The following PCDHGB6 variants were observed in gnomAD, a reference collection of about 807,000 sequenced individuals.
PCDHGB6 encodes protocadherin gamma-B6.
PCDHGB6 carries 51 observed loss-of-function variants against 59.1 expected under a neutral mutation model. That is an observed-to-expected ratio of 0.86 (90% CI 0.69 to 1.09). PCDHGB6 has a LOEUF of 1.09. Among genes scored for constraint, PCDHGB6 ranks in the 50% least tolerant of loss-of-function variants. The probability of loss-of-function intolerance (pLI) is 0.00; values close to 1 mark genes in which losing one functional copy is unlikely to be tolerated. For synonymous variants in PCDHGB6, 466 were observed against 495.1 expected (o/e 0.94, Z 0.78); for missense variants, 1,148 against 1,205.1 (o/e 0.95, Z 0.70).
chr5:141,455,759 A>G (rs1013283124), intron 1 of PCDHGB6, among the ~76,000 whole-genome samples: 4 of 152,300 alleles, frequency 2.6e-5, no homozygotes, highest in South Asian at 4.1e-4. Context: ...CCTGGCTCCT[A>G]GAGCCGGGGC....
intron 2 of PCDHGB6, among the ~76,000 whole-genome samples, chr5:141,499,984 G>A (rs1350203006): frequency 6.6e-6 from 1 of 151,872 alleles, no homozygotes; most frequent in East Asian, 1.9e-4. Context: ...CACCTTGCCC[G>A]GCCAGATGAT....
rs992096722 is a variant in PCDHGB6, at chr5:141,413,506, A to G, written c.2418+2886A>G. 3 of 1,613,910 alleles carry G rather than the reference A, an allele frequency of 1.9e-6. No individual in the cohort carries two copies. The highest frequency in any genetic ancestry group is 2.7e-5 in the African/African-American group (2 of 74,954). On this transcript the variant is annotated intron_variant, in intron 1 of 3. Coordinates refer to ENST00000520790, the MANE Select transcript of PCDHGB6 (RefSeq NM_018926.3). ...GAGCGCGCGGTGCGTGGTGAGTTTT[A>G]ATATCCTTGTGGAAGACAGGGTGAA... is the stretch of plus-strand genomic sequence containing the variant.
At chr5:141,416,124 AT>A (rs1297389183) in intron 1 of PCDHGB6, 1 of 154,644 alleles carries the variant, frequency 6.5e-6, no homozygotes, top group Non-Finnish European at 1.4e-5. Flanking sequence ...CATTTTATAT[AT>A]TTTTCAATCT....
Position 141,431,919 on chromosome 5 carries a change from A to C in PCDHGB6, c.2418+21299A>C, listed in dbSNP as rs2097428718. The C allele has an allele frequency of 7.4e-6, 12 of 1,614,040 alleles. No individual in the cohort carries two copies. Among genetic ancestry groups the C allele is most frequent in the Non-Finnish European group, 1.0e-5 (12 of 1,179,980 alleles). On this transcript the variant is annotated intron_variant, in intron 1 of 3. Transcript: ENST00000520790. This position sits in a 1 kb window ranked among gnomAD's most constrained non-coding sequence, Gnocchi z 4.8. ...AACGGACAGGTGATCTGTTTCATCC[A>C]AGGAAATCTGCCCTTTAAATTAGAA... is the stretch of plus-strand genomic sequence containing the variant.
intron 1 of PCDHGB6, chr5:141,419,639 G>A (rs1478835703): frequency 6.2e-7 from 1 of 1,612,442 alleles, no homozygotes; most frequent in African/African-American, 1.3e-5. Flanking sequence ...GGTGGTGGCC[G>A]TGGACGCGGA....
At chr5:141,433,326 A>G in intron 1 of PCDHGB6, 1 of 726,596 alleles carries the variant, frequency 1.4e-6, no homozygotes. Context: ...CCGGTGTAAC[A>G]GGGACTACAG....
chr5:141,452,358 T>C (rs2098739424), intron 1 of PCDHGB6, among the ~76,000 whole-genome samples: 1 of 152,236 alleles, frequency 6.6e-6, no homozygotes, highest in African/African-American at 2.4e-5. Context: ...CCAAAAGCCT[T>C]GCTTCATTTT....
chr5:141,430,048 A>G (rs2097258677), intron 1 of PCDHGB6, among the ~76,000 whole-genome samples: 1 of 152,222 alleles, frequency 6.6e-6, no homozygotes, highest in African/African-American at 2.4e-5. Flanking sequence ...AATGTATACA[A>G]TCACATATCA....
At chr5:141,450,004 C>CTTTAT (rs2098662217) in intron 1 of PCDHGB6, among the ~76,000 whole-genome samples, 1 of 75,148 alleles carries the variant, frequency 1.3e-5, no homozygotes, top group Non-Finnish European at 2.3e-5. Flanking sequence ...GTTGCCATGT[C>CTTTAT]TCTTTTTTTT....
intron 1 of PCDHGB6, among the ~76,000 whole-genome samples, chr5:141,429,812 A>G (rs2097246172): frequency 6.6e-6 from 1 of 152,226 alleles, no homozygotes; most frequent in South Asian, 2.1e-4. Context: ...AGTAATTACA[A>G]TTAGGTCAGT....
chr5:141,419,165 A>G, intron 1 of PCDHGB6: 1 of 1,613,978 alleles, frequency 6.2e-7, no homozygotes, highest in Non-Finnish European at 8.5e-7. Flanking sequence ...ATCCTCCAGC[A>G]AAACCATAAC....
Position 141,487,503 on chromosome 5 carries a change from C to T in PCDHGB6, c.2419-7304C>T. On this transcript the variant is annotated intron_variant, in intron 1 of 3. Transcript: ENST00000520790. The surrounding 1 kb of genome is among the most constrained non-coding windows in gnomAD (Gnocchi z 5.0). The stretch of plus-strand genomic sequence containing the variant: ...TCTCATGGCTGTACACCCTTGGCTT[C>T]TGCACCCACTCGGAGTGATAGCTTC... 1 of 1,614,220 alleles carries T rather than the reference C, an allele frequency of 6.2e-7. No homozygotes were observed. Among genetic ancestry groups the T allele is most frequent in the Non-Finnish European group, 8.5e-7 (1 of 1,180,042 alleles).
Position 141,431,461 on chromosome 5 carries a change from T to C in PCDHGB6, c.2418+20841T>C, listed in dbSNP as rs1477501293. 1 of 1,613,800 alleles carries C rather than the reference T, an allele frequency of 6.2e-7. No individual in the cohort carries two copies. Among genetic ancestry groups the C allele is most frequent in the Admixed American group, 1.7e-5 (1 of 60,032 alleles). ...CGCGCATCCGCGTGATGGTTCTGGA[T>C]GCGAACGACAACGCACCAGCGTTTG... On this transcript the variant is annotated intron_variant, in intron 1 of 3. Transcript: ENST00000520790. The surrounding 1 kb of genome is among the most constrained non-coding windows in gnomAD (Gnocchi z 4.8).
chr5:141,487,499 G>A lies in PCDHGB6; in HGVS notation c.2419-7308G>A, dbSNP rs2099647158. On this transcript the variant is annotated intron_variant, in intron 1 of 3. Transcript: ENST00000520790. This position sits in a 1 kb window ranked among gnomAD's most constrained non-coding sequence, Gnocchi z 5.0. ...CCACTCTCATGGCTGTACACCCTTGGCTTCTGCACCCACTCGGAGTGATAG... is the reference window on the plus strand; with the variant it reads ...CCACTCTCATGGCTGTACACCCTTGACTTCTGCACCCACTCGGAGTGATAG... The A allele has an allele frequency of 3.1e-6, 5 of 1,614,152 alleles. No homozygotes were observed. The highest frequency in any genetic ancestry group is 2.2e-5 in the East Asian group (1 of 44,852).
chr5:141,445,975 G>A (rs1279186740), intron 1 of PCDHGB6, among the ~76,000 whole-genome samples: 1 of 152,124 alleles, frequency 6.6e-6, no homozygotes, highest in Non-Finnish European at 1.5e-5. Flanking sequence ...TGATTTATGA[G>A]GGTTATAAAT....
intron 2 of PCDHGB6, among the ~76,000 whole-genome samples, chr5:141,500,928 G>A (rs2099803943): frequency 6.6e-6 from 1 of 151,476 alleles, no homozygotes; most frequent in African/African-American, 2.4e-5. Context: ...GGGTGCAGTG[G>A]CGCCATCTCG....
Position 141,477,833 on chromosome 5 carries a change from G to C in PCDHGB6, c.2419-16974G>C. Reference sequence around the variant, plus strand: ...CCCCCAGGTCCTATATCCTCGGCCAGGTGGGAGCTCGGTGGAGATGCTGCC... The same window carrying C: ...CCCCCAGGTCCTATATCCTCGGCCACGTGGGAGCTCGGTGGAGATGCTGCC... On this transcript the variant is annotated intron_variant, in intron 1 of 3. Transcript: ENST00000520790. This position sits in a 1 kb window ranked among gnomAD's most constrained non-coding sequence, Gnocchi z 4.9. The C allele has an allele frequency of 6.2e-7, 1 of 1,614,174 alleles. No individual in the cohort carries two copies.
intron 1 of PCDHGB6, chr5:141,423,473 C>A: frequency 6.2e-7 from 1 of 1,614,010 alleles, no homozygotes; most frequent in Non-Finnish European, 8.5e-7. Flanking sequence ...GGGGTACAGG[C>A]TTTCCTGCAA....
chr5:141,419,389 G>C (rs551951411), intron 1 of PCDHGB6: 1 of 1,613,670 alleles, frequency 6.2e-7, no homozygotes, highest in South Asian at 1.1e-5. Context: ...TGAGCGCGCA[G>C]AGCGGGGTGG....
Sources: allele counts gnomAD v4.1 joint callset (sites outside exome capture counted in the v4.1 genomes callset), GRCh38; gene constraint gnomAD v4.1.1; non-coding constraint Gnocchi (gnomAD v3.1); transcripts MANE v1.5; gene names NCBI Gene and HGNC (gene_info 2026-07-23, HGNC 2026-07-21).